UPF2: variants seen among roughly 807,000 people sequenced by gnomAD.
UPF2 encodes the protein UPF2 regulator of nonsense mediated mRNA decay.
A neutral mutation model predicts 141.4 loss-of-function variants in UPF2; 17 were observed. The ratio of observed to expected loss-of-function variants is 0.12; its 90% CI spans 0.08 to 0.18. The LOEUF is 0.18. Among genes scored for constraint, UPF2 ranks in the 10% least tolerant of loss-of-function variants. The probability of loss-of-function intolerance (pLI) is 1.00; values close to 1 mark genes in which losing one functional copy is unlikely to be tolerated. For missense variants in UPF2, 1,152 were observed against 1,515.9 expected, an observed-to-expected ratio of 0.76 and a Z score of 3.99; for synonymous variants, 540 against 498.0, an observed-to-expected ratio of 1.08 and a Z score of -1.12.
rs192678620 is a variant in UPF2 at position 12,029,643 on chromosome 10, T to C, written c.366-119A>G. 82 of 1,130,134 alleles carry C rather than the reference T, an allele frequency of 7.3e-5. 1 individual carries two copies. Among genetic ancestry groups the C allele is most frequent in the Admixed American group, 1.8e-4 (6 of 33,412 alleles). 70.0% of individuals were successfully genotyped at this position (1,130,134 alleles called of 1,614,324 possible). A position where few individuals can be genotyped will look rare whatever the true frequency, so the allele number is the denominator to read the frequency against. On this transcript the variant is annotated intron_variant, in intron 2 of 21. Transcript: ENST00000357604. ...ATCTAAGTATAACAATCTACAAGAT[T>C]CAAAAGGCCTTTCACTACTTTTAAA...
intron 5 of UPF2, among the ~76,000 whole-genome samples, chr10:12,003,408 T>C (rs1404311063): frequency 6.6e-6 from 1 of 152,064 alleles, no homozygotes; most frequent in East Asian, 1.9e-4. Flanking sequence ...GGGAGAGGGT[T>C]CCAACCAGAA....
At chr10:11,938,853 GTTTTTTTTTT>G (rs58106776) in intron 18 of UPF2, among the ~76,000 whole-genome samples, 517 of 79,798 alleles carry the variant, frequency 6.5e-3, no homozygotes, top group Middle Eastern at 0.017. Flanking sequence ...TTTTTTTTTT[GTTTTTTTTTT>G]TTTTTTTTTT....
intron 2 of UPF2, among the ~76,000 whole-genome samples, chr10:12,031,233 G>A (rs1353555474): frequency 1.3e-5 from 2 of 148,734 alleles, no homozygotes; most frequent in African/African-American, 5.0e-5. Context: ...TCCATCCTCA[G>A]CACATTAGCC....
intron 3 of UPF2, among the ~76,000 whole-genome samples, chr10:12,025,812 C>A (rs748375099): frequency 6.6e-6 from 1 of 152,096 alleles, no homozygotes; most frequent in East Asian, 1.9e-4. Context: ...GTTTTTGTTT[C>A]GAGACAGGGT....
intron 3 of UPF2, chr10:12,026,651 T>TC (rs1402167969): frequency 2.2e-6 from 1 of 446,196 alleles, no homozygotes. Flanking sequence ...ATAAACTTTT[T>TC]TTTTTTTTTT....
At position 11,940,018 on chromosome 10, in the gene UPF2, T is replaced by C. The variant is rs1173479427; in HGVS notation, c.3378+2647A>G. 1.3e-5 allele frequency among the ~76,000 whole-genome samples: 2 copies of C among 152,182 alleles called. No homozygotes were observed. The highest frequency in any genetic ancestry group is 2.1e-4 in the South Asian group (1 of 4,834). The stretch of plus-strand genomic sequence containing the variant: ...GATTATACTAAGTTTAAGGGCTTGA[T>C]TTATGGAAAAATAATATCTCTAGGA... On this transcript the variant is annotated intron_variant, in intron 18 of 21. Coordinates refer to ENST00000357604, the MANE Select transcript of UPF2 (RefSeq NM_015542.4). This position sits in a 1 kb window ranked among gnomAD's most constrained non-coding sequence, Gnocchi z 4.2.
chr10:11,983,348 A>G (rs145976705), intron 8 of UPF2, among the ~76,000 whole-genome samples: 10 of 152,168 alleles, frequency 6.6e-5, no homozygotes, highest in African/African-American at 2.4e-4. Context: ...CCTAAGATCA[A>G]TCTTCTTTGG....
intron 8 of UPF2, among the ~76,000 whole-genome samples, chr10:11,990,425 T>C (rs1032671001): frequency 6.6e-6 from 1 of 151,796 alleles, no homozygotes; most frequent in East Asian, 1.9e-4. Flanking sequence ...ATAGCAAAAA[T>C]ATGTCCTTAA....
chr10:11,949,917 T>C (rs1833052027), intron 15 of UPF2, among the ~76,000 whole-genome samples: 1 of 152,208 alleles, frequency 6.6e-6, no homozygotes, highest in African/African-American at 2.4e-5. Flanking sequence ...ACAGCTGTAT[T>C]AAGTAAATTA....
rs1432212939 is a variant in UPF2 at position 11,998,848 on chromosome 10, C to T, written c.1758+1058G>A. On this transcript the variant is annotated intron_variant, in intron 7 of 21. Transcript: ENST00000357604. This position sits in a 1 kb window ranked among gnomAD's most constrained non-coding sequence, Gnocchi z 4.5. ...CAGCCTGGGCAACAGAGCAAGACTC[C>T]GTCTCAAAAAAATAAAAAATAAAAA... Among the ~76,000 whole-genome samples, 7 of 150,916 alleles carry T rather than the reference C, an allele frequency of 4.6e-5. No individual in the cohort carries two copies. Among genetic ancestry groups the T allele is most frequent in the Admixed American group, 1.3e-4 (2 of 15,120 alleles).
chr10:12,001,699 G>T lies in UPF2; in HGVS notation c.1631C>A (p.Thr544Lys), dbSNP rs1195358705. ...LEGGDEAEDL[T>K]KKLLDEQEQE... ...ACCTTGTTCATCAAGAAGTTTCTTT[G>T]TAAGATCTTCAGCTTCATCTCCACC... The change falls in exon 6 of 22, where the codon ACA (threonine) becomes AAA (lysine). Residue 544 changes from threonine to lysine, a missense_variant. This residue lies in a region of UPF2 where 739 missense variants were observed against 1,032.2 expected (regional missense o/e 0.72). Coordinates refer to ENST00000357604, the MANE Select transcript of UPF2 (RefSeq NM_015542.4). The T allele has an allele frequency of 6.2e-7, 1 of 1,600,460 alleles. No individual in the cohort carries two copies. Among genetic ancestry groups the T allele is most frequent in the East Asian group, 2.2e-5 (1 of 44,560 alleles).
chr10:11,991,971 C>T (rs1415423912), intron 8 of UPF2, among the ~76,000 whole-genome samples: 1 of 152,060 alleles, frequency 6.6e-6, no homozygotes, highest in Non-Finnish European at 1.5e-5. Context: ...CATGATGAAA[C>T]CCTGTCTCTA....
At chr10:11,943,227 A>G (rs1421446690) in intron 16 of UPF2, 59 bp from the exon 17 acceptor site, 11 of 1,325,878 alleles carry the variant, frequency 8.3e-6, no homozygotes, top group Non-Finnish European at 1.2e-5. Flanking sequence ...CATATTTTAC[A>G]TGCCTTAAAA....
chr10:12,006,896 A>C (rs1834043985), intron 4 of UPF2, among the ~76,000 whole-genome samples: 1 of 152,154 alleles, frequency 6.6e-6, no homozygotes, highest in Non-Finnish European at 1.5e-5. Context: ...CGATGGAGCC[A>C]AGTCACCAGA....
At chr10:11,999,460 C>A (rs1330988993) in intron 7 of UPF2, among the ~76,000 whole-genome samples, 1 of 147,334 alleles carries the variant, frequency 6.8e-6, no homozygotes, top group Non-Finnish European at 1.5e-5. Flanking sequence ...TTGCAGTGAG[C>A]CAGGATCACA....
intron 1 of UPF2, among the ~76,000 whole-genome samples, chr10:12,037,801 T>C (rs968640945): frequency 2.0e-5 from 3 of 152,338 alleles, no homozygotes; most frequent in Non-Finnish European, 2.9e-5. Context: ...ATTTGTAATA[T>C]TGATATTTTT....
chr10:11,956,558 T>C lies in UPF2; in HGVS notation c.2371-35A>G. 1.3e-6 allele frequency: 2 copies of C among 1,599,478 alleles called. No individual in the cohort carries two copies. The highest frequency in any genetic ancestry group is 1.3e-5 in the African/African-American group (1 of 74,596). ...GAGAATTTTGTTCAAATTATTAAGA[T>C]AAGTACACAGTAGCCTGACCAAATA... On this transcript the variant is annotated intron_variant, in intron 12 of 21. Transcript: ENST00000357604. The surrounding 1 kb of genome is among the most constrained non-coding windows in gnomAD (Gnocchi z 4.2).
intron 16 of UPF2, among the ~76,000 whole-genome samples, chr10:11,944,918 G>GGCTCTGCCATCACCT (rs1832982009): frequency 1.3e-5 from 2 of 152,290 alleles, no homozygotes; most frequent in South Asian, 4.1e-4. Context: ...TTCAAATACC[G>GGCTCTGCCATCACCT]GCTCTGCCAT....
chr10:12,013,212 A>G (rs939149958), intron 4 of UPF2, among the ~76,000 whole-genome samples: 1 of 151,882 alleles, frequency 6.6e-6, no homozygotes, highest in African/African-American at 2.4e-5. Flanking sequence ...TTTCTTACTG[A>G]GGATATTAAA....
Sources: allele counts gnomAD v4.1 joint callset (sites outside exome capture counted in the v4.1 genomes callset), GRCh38; gene constraint gnomAD v4.1.1; regional missense constraint gnomAD v4.1.1; non-coding constraint Gnocchi (gnomAD v3.1); transcripts MANE v1.5; gene names NCBI Gene and HGNC (gene_info 2026-07-23, HGNC 2026-07-21).